Variants in TAFA1 observed in about 807,000 individuals in gnomAD.
TAFA1 encodes the protein TAFA chemokine like family member 1, also known as chemokine-like protein TAFA-1.
TAFA1 carries 4 observed loss-of-function variants against 18.5 expected under a neutral mutation model. The ratio of observed to expected loss-of-function variants is 0.22; its 90% confidence interval spans 0.11 to 0.49. The LOEUF (loss-of-function observed/expected upper bound fraction) is 0.49. Ranked by LOEUF, TAFA1 falls within the 20% of genes least tolerant of loss-of-function variation. The pLI is 0.98. For missense variants in TAFA1, 147 were observed against 169.0 expected (o/e 0.87, Z 0.72); for synonymous variants, 56 against 55.2 (o/e 1.01, Z -0.06).
At chr3:68,497,849 G>C (rs982477740) in intron 3 of TAFA1, among the ~76,000 whole-genome samples, 2 of 152,192 alleles carry the variant, frequency 1.3e-5, no homozygotes, top group African/African-American at 4.8e-5. Context: ...TGTAGCCCAG[G>C]TGGAAGAGGA....
chr3:68,389,684 T>C (rs560667464), intron 2 of TAFA1, among the ~76,000 whole-genome samples: 6 of 151,952 alleles, frequency 3.9e-5, no homozygotes, highest in African/African-American at 1.4e-4. Flanking sequence ...TTGGGACTGG[T>C]TAGACAGTGG....
At chr3:68,189,499 A>T (rs1448834389) in intron 2 of TAFA1, among the ~76,000 whole-genome samples, 1 of 151,798 alleles carries the variant, frequency 6.6e-6, no homozygotes, top group Non-Finnish European at 1.5e-5. Context: ...CTGCCCTCTC[A>T]GAGCTCTGCC....
intron 2 of TAFA1, among the ~76,000 whole-genome samples, chr3:68,258,636 A>G (rs1214460664): frequency 6.6e-6 from 1 of 152,204 alleles, no homozygotes; most frequent in African/African-American, 2.4e-5. Flanking sequence ...CCACAGCAAA[A>G]GAAAGATCAG....
At chr3:68,413,005 T>G (rs559657529) in intron 2 of TAFA1, among the ~76,000 whole-genome samples, 431 of 151,904 alleles carry the variant, frequency 2.8e-3, no homozygotes, top group Non-Finnish European at 5.6e-3. Flanking sequence ...AGTGTAAAAG[T>G]GTTCCTATTT....
At chr3:68,049,258 G>A (rs771166562) in intron 2 of TAFA1, among the ~76,000 whole-genome samples, 6 of 152,042 alleles carry the variant, frequency 3.9e-5, no homozygotes, top group Non-Finnish European at 8.8e-5. Context: ...CTTTGCCTAC[G>A]GTGTCTAGAG....
chr3:68,217,009 G>C (rs566479811), intron 2 of TAFA1, among the ~76,000 whole-genome samples: 58 of 152,184 alleles, frequency 3.8e-4, no homozygotes, highest in South Asian at 6.2e-4. Flanking sequence ...CAAGGAGGGA[G>C]AGCACAACTC....
intron 2 of TAFA1, among the ~76,000 whole-genome samples, chr3:68,104,714 C>T (rs1425003203): frequency 6.6e-6 from 1 of 151,994 alleles, no homozygotes; most frequent in Non-Finnish European, 1.5e-5. Flanking sequence ...CATTTGTTTA[C>T]ACATTGTTTA....
intron 2 of TAFA1, among the ~76,000 whole-genome samples, chr3:68,079,934 A>G (rs889835765): frequency 6.6e-6 from 1 of 151,612 alleles, no homozygotes; most frequent in African/African-American, 2.4e-5. Flanking sequence ...CCCATTATTA[A>G]TGTGTGGGAG....
intron 2 of TAFA1, among the ~76,000 whole-genome samples, chr3:68,386,932 T>A (rs1273004046): frequency 1.3e-5 from 2 of 152,206 alleles, no homozygotes; most frequent in East Asian, 3.8e-4. Flanking sequence ...GAAAGAAAGA[T>A]CATTCTCTTG....
intron 3 of TAFA1, among the ~76,000 whole-genome samples, chr3:68,429,744 C>G (rs1451378064): frequency 6.6e-6 from 1 of 151,812 alleles, no homozygotes; most frequent in Non-Finnish European, 1.5e-5. Context: ...TGAAATGCAT[C>G]CTCAAAACCC....
In TAFA1 at chr3:68,231,002, G is replaced by C. The variant is rs79878610; in HGVS notation, c.119-186278G>C. Among the ~76,000 whole-genome samples the C allele has an allele frequency of 7.4e-3, 1,131 of 152,194 alleles. 19 individuals carry two copies. The highest frequency in any genetic ancestry group is 0.026 in the African/African-American group (1,075 of 41,508). Reference sequence around the variant, plus strand: ...TTATCATTCAATCATTATTTACTGAGTGCCTTCTTTAATCACTAGTCATAT... The same window carrying C: ...TTATCATTCAATCATTATTTACTGACTGCCTTCTTTAATCACTAGTCATAT... On this transcript the variant is annotated intron_variant, in intron 2 of 4. Coordinates refer to ENST00000478136, the MANE Select transcript of TAFA1 (RefSeq NM_213609.4).
intron 2 of TAFA1, among the ~76,000 whole-genome samples, chr3:68,192,124 C>T (rs539819765): frequency 6.6e-6 from 1 of 151,764 alleles, no homozygotes; most frequent in Non-Finnish European, 1.5e-5. Flanking sequence ...CGCTCTAGTC[C>T]AACAACTATT....
At chr3:68,350,527 T>C (rs2069247802) in intron 2 of TAFA1, among the ~76,000 whole-genome samples, 1 of 152,144 alleles carries the variant, frequency 6.6e-6, no homozygotes, top group Non-Finnish European at 1.5e-5. Flanking sequence ...ATTAGCCTTC[T>C]AGGATCTGCA....
At chr3:68,157,021 C>A (rs938995891) in intron 2 of TAFA1, among the ~76,000 whole-genome samples, 2 of 151,202 alleles carry the variant, frequency 1.3e-5, no homozygotes, top group African/African-American at 4.9e-5. Flanking sequence ...ACAATATTAA[C>A]AAACTTTTAT....
chr3:68,436,404 A>C lies in TAFA1; in HGVS notation c.259+18984A>C, dbSNP rs1366983132. 2.0e-5 allele frequency among the ~76,000 whole-genome samples: 3 copies of C among 152,100 alleles called. No individual in the cohort carries two copies. The East Asian group carries it at 5.8e-4, about 29-fold the overall frequency. On this transcript the variant is annotated intron_variant, in intron 3 of 4. Coordinates refer to ENST00000478136, the MANE Select transcript of TAFA1 (RefSeq NM_213609.4). Reference sequence around the variant, plus strand: ...TGATAGATGTAAGCTATTGTTCTTAACTCAGGTGAAGTTCATAGGAGAAAC... The same window carrying C: ...TGATAGATGTAAGCTATTGTTCTTACCTCAGGTGAAGTTCATAGGAGAAAC...
At chr3:68,395,980 C>A (rs1217591908) in intron 2 of TAFA1, among the ~76,000 whole-genome samples, 2 of 151,788 alleles carry the variant, frequency 1.3e-5, no homozygotes, top group South Asian at 4.2e-4. Context: ...TGGCATTCTC[C>A]CCAATTGTGT....
chr3:68,502,101 T>G lies in TAFA1; in HGVS notation c.260-36655T>G, dbSNP rs559318335. The stretch of plus-strand genomic sequence containing the variant: ...AAACCTTGAAGGGCTTTCAAGCAAG[T>G]GGAGGACGTAGTTTGATTTACTTTT... On this transcript the variant is annotated intron_variant, in intron 3 of 4. Transcript: ENST00000478136. 1.5e-4 allele frequency among the ~76,000 whole-genome samples: 23 copies of G among 152,290 alleles called. No homozygotes were observed. In the South Asian group the frequency reaches 4.8e-3, roughly 32 times the overall value.
At chr3:68,170,477 G>A (rs1575658368) in intron 2 of TAFA1, among the ~76,000 whole-genome samples, 1 of 151,968 alleles carries the variant, frequency 6.6e-6, no homozygotes, top group East Asian at 1.9e-4. Context: ...ACAAAAGGAG[G>A]CTGACCAAAA....
At chr3:68,440,096 G>A (rs776635199) in intron 3 of TAFA1, among the ~76,000 whole-genome samples, 17 of 151,928 alleles carry the variant, frequency 1.1e-4, no homozygotes, top group South Asian at 2.1e-4. Flanking sequence ...CACATGGCAT[G>A]GGAGAAACTG....
Sources: allele counts gnomAD v4.1 joint callset (sites outside exome capture counted in the v4.1 genomes callset), GRCh38; gene constraint gnomAD v4.1.1; transcripts MANE v1.5; gene names NCBI Gene and HGNC (gene_info 2026-07-23, HGNC 2026-07-21).